Variants in ZNF30 observed in about 807,000 individuals in gnomAD.
ZNF30 encodes the protein zinc finger protein 30 (KOX 28).
In ZNF30, 15 loss-of-function variants were observed where a neutral mutation model predicts 13.2. The ratio of observed to expected loss-of-function variants is 1.13; its 90% CI spans 0.76 to 1.75. The LOEUF is 1.75. Ranked by LOEUF, ZNF30 falls within the 40% of genes most tolerant of loss-of-function variation. The pLI is 0.00. For synonymous variants in ZNF30, 223 were observed against 256.6 expected, an observed-to-expected ratio of 0.87 and a Z score of 1.25; for missense variants, 726 against 757.0, an observed-to-expected ratio of 0.96 and a Z score of 0.48.
At chr19:34,928,220 A>AAATATATAT (rs1555778254) in intron 1 of ZNF30, among the ~76,000 whole-genome samples, 85 of 73,254 alleles carry the variant, frequency 1.2e-3, no homozygotes, top group Middle Eastern at 9.6e-3. Flanking sequence ...AAAAAAAAAA[A>AAATATATAT]ATATATATAT....
At position 34,929,931 on chromosome 19, in the gene ZNF30, C is replaced by G; in HGVS notation, c.-17C>G. The G allele has an allele frequency of 6.2e-7, 1 of 1,606,584 alleles. No individual in the cohort carries two copies. The highest frequency in any genetic ancestry group is 1.3e-5 in the African/African-American group (1 of 74,852). On this transcript the variant is annotated 5_prime_UTR_variant, in exon 2 of 5. Transcript: ENST00000601142. ...GAACCCCAGTGAAGACTGATCAGTT[C>G]TTACAATTCTCAAAGCATGGCCCAT...
upstream of ZNF30, chr19:34,926,746 T>C (rs1159589514): frequency 5.1e-6 from 2 of 394,292 alleles, no homozygotes; most frequent in African/African-American, 2.1e-5. Context: ...GTTAATGCCC[T>C]GGGTTGGCCC....
chr19:34,935,344 G>A (rs1362911366), intron 4 of ZNF30, among the ~76,000 whole-genome samples: 1 of 152,090 alleles, frequency 6.6e-6, no homozygotes, highest in Non-Finnish European at 1.5e-5. Flanking sequence ...TTCTCCAAAT[G>A]AAGAGAGAAA....
chr19:34,939,487 T>C (rs2151672451), intron 4 of ZNF30, among the ~76,000 whole-genome samples: 1 of 152,186 alleles, frequency 6.6e-6, no homozygotes, highest in South Asian at 2.1e-4. Flanking sequence ...CTAACTTCTG[T>C]ATCTTTAGTA....
At chr19:34,933,827 C>A in intron 4 of ZNF30, 104 bp downstream of exon 4, 2 of 775,456 alleles carry the variant, frequency 2.6e-6, no homozygotes, top group Non-Finnish European at 4.3e-6. Flanking sequence ...CCCTTCAAAG[C>A]CCTAGGGCCT....
intron 3 of ZNF30, among the ~76,000 whole-genome samples, chr19:34,933,281 C>T (rs1031182044): frequency 2.0e-5 from 3 of 151,806 alleles, no homozygotes; most frequent in South Asian, 2.1e-4. Context: ...TGGTGACATC[C>T]GTCTCTACTA....
At chr19:34,931,775 C>A in intron 2 of ZNF30, 68 bp from the exon 3 acceptor site, 1 of 1,500,484 alleles carries the variant, frequency 6.7e-7, no homozygotes, top group East Asian at 2.4e-5. Flanking sequence ...GTTATTGCTC[C>A]CTTACTACAC....
rs756597539 is a variant in ZNF30 at position 34,944,387 on chromosome 19, A to G, written c.1421A>G (p.His474Arg). ...AGAGTGCACGTACATCTCACACAGC[A>G]TCGGAAAATTCATACTGATGTAAAG... is the stretch of plus-strand genomic sequence containing the variant. ...AFRVHVHLTQ[H>R]RKIHTDVKPY... Residue 474 changes from histidine (H) to arginine (R), a missense_variant, in exon 5 of 5, where the codon CAT (histidine) becomes CGT (arginine). His to Arg is a conservative substitution (Grantham distance 29). Coordinates refer to ENST00000601142, the MANE Select transcript of ZNF30 (RefSeq NM_194325.3). 9.9e-6 allele frequency: 16 copies of G among 1,614,228 alleles called. No individual in the cohort carries two copies. In the East Asian group the frequency reaches 3.3e-4, roughly 34 times the overall value.
At chr19:34,925,555 C>T (rs981364805), upstream of ZNF30, among the ~76,000 whole-genome samples, 1 of 152,122 alleles carries the variant, frequency 6.6e-6, no homozygotes, top group Non-Finnish European at 1.5e-5. Context: ...TGTGTGTCTG[C>T]TTGCTAGGGT....
At position 34,926,982 on chromosome 19, in the gene ZNF30, T is replaced by G; in HGVS notation, c.-299T>G. 2 of 398,640 alleles carry G rather than the reference T, an allele frequency of 5.0e-6. No individual in the cohort carries two copies. Among genetic ancestry groups the G allele is most frequent in the Non-Finnish European group, 8.8e-6 (2 of 226,054 alleles). The allele number at this position is 398,640 out of a possible 1,614,324, so 24.7% of individuals were successfully genotyped here. Reference sequence around the variant, plus strand: ...CCAGAGGCTGCAGCTATCCGGCCAATGTAGCCTGAAACTACATTTCTCAGC... The same window carrying G: ...CCAGAGGCTGCAGCTATCCGGCCAAGGTAGCCTGAAACTACATTTCTCAGC... On this transcript the variant is annotated 5_prime_UTR_variant, in exon 1 of 5. It removes an upstream start codon present in the reference 5' UTR. Coordinates refer to ENST00000601142, the MANE Select transcript of ZNF30 (RefSeq NM_194325.3).
Position 34,929,918 on chromosome 19 carries a change from A to C in ZNF30, c.-30A>C. 1 of 1,601,054 alleles carries C rather than the reference A, an allele frequency of 6.2e-7. No individual in the cohort carries two copies. Among genetic ancestry groups the C allele is most frequent in the Non-Finnish European group, 8.5e-7 (1 of 1,173,426 alleles). ...TTCTCAGATAGAGGAACCCCAGTGAAGACTGATCAGTTCTTACAATTCTCA... is the reference window on the plus strand; with the variant it reads ...TTCTCAGATAGAGGAACCCCAGTGACGACTGATCAGTTCTTACAATTCTCA... On this transcript the variant is annotated 5_prime_UTR_variant, in exon 2 of 5. Coordinates refer to ENST00000601142, the MANE Select transcript of ZNF30 (RefSeq NM_194325.3).
intron 4 of ZNF30, among the ~76,000 whole-genome samples, chr19:34,941,125 A>G (rs1049744582): frequency 2.0e-5 from 3 of 152,144 alleles, no homozygotes; most frequent in Non-Finnish European, 4.4e-5. Context: ...TGTCTTTGTG[A>G]CATTGTCCAG....
At position 34,943,878 on chromosome 19, in the gene ZNF30, T is replaced by C. The variant is rs1202776680; in HGVS notation, c.912T>C (p.Ala304=). 2 of 1,614,088 alleles carry C rather than the reference T, an allele frequency of 1.2e-6. No homozygotes were observed. Among genetic ancestry groups the C allele is most frequent in the South Asian group, 2.2e-5 (2 of 91,088 alleles). ...CCTTTAGCACTAGCTCACCCCTTGC[T>C]AAGCATCAGAGAATTCATACTGGCG... ...GKAFSTSSPL[A]KHQRIHTGEK... is the part of the protein sequence containing the mutation. Residue 304 remains alanine, a synonymous_variant, in exon 5 of 5, where the codon GCT becomes GCC. Transcript: ENST00000601142.
At position 34,944,052 on chromosome 19, in the gene ZNF30, T is replaced by C. The variant is rs759041966; in HGVS notation, c.1086T>C (p.His362=). 7 of 1,613,976 alleles carry C rather than the reference T, an allele frequency of 4.3e-6. No homozygotes were observed. The highest frequency in any genetic ancestry group is 5.9e-6 in the Non-Finnish European group (7 of 1,179,994). Residue 362 remains histidine, a synonymous_variant, in exon 5 of 5, where the codon CAT becomes CAC. Transcript: ENST00000601142. ...AFRLSSFLHA[H]QRIHAEIKPY... ...GACTTAGTTCCTTCCTTCATGCACA[T>C]CAGCGAATTCATGCAGAGATAAAGC...
At position 34,933,616 on chromosome 19, in the gene ZNF30, T is replaced by G; in HGVS notation, c.161-12T>G. ...ATTTTATTTCTTTTCTACATTCTTA[T>G]CTCATAAGCAGGACATTCCCGTTCT... On this transcript the variant is annotated splice_polypyrimidine_tract_variant and intron_variant, in intron 3 of 4. Coordinates refer to ENST00000601142, the MANE Select transcript of ZNF30 (RefSeq NM_194325.3). The G allele has an allele frequency of 1.3e-6, 2 of 1,573,860 alleles. No homozygotes were observed. Among genetic ancestry groups the G allele is most frequent in the Non-Finnish European group, 1.7e-6 (2 of 1,154,980 alleles).
chr19:34,925,192 A>G (rs888419215), upstream of ZNF30, among the ~76,000 whole-genome samples: 3 of 114,090 alleles, frequency 2.6e-5, no homozygotes, highest in African/African-American at 1.4e-4. Flanking sequence ...GTGTTACAGG[A>G]TGCTCTTTAG....
intron 4 of ZNF30, 63 bp from the exon 5 acceptor site, chr19:34,943,160 C>T: frequency 5.6e-6 from 7 of 1,256,540 alleles, no homozygotes; most frequent in South Asian, 2.2e-5. Flanking sequence ...CAGTTTTTCT[C>T]TTTTCTTCCC....
At chr19:34,934,851 A>C (rs2012638584) in intron 4 of ZNF30, among the ~76,000 whole-genome samples, 1 of 152,198 alleles carries the variant, frequency 6.6e-6, no homozygotes. Context: ...TGATGGGTGC[A>C]GCAAACAACC....
chr19:34,924,739 C>A (rs2012005690), upstream of ZNF30, among the ~76,000 whole-genome samples: 1 of 152,156 alleles, frequency 6.6e-6, no homozygotes, highest in Non-Finnish European at 1.5e-5. Context: ...TGTCTTCAGA[C>A]ATTGTAATAG....
Sources: gnomAD v4.1 joint callset for allele counts (sites outside exome capture counted in the v4.1 genomes callset) on GRCh38, gnomAD v4.1.1 for gene constraint, MANE v1.5 for transcripts, NCBI Gene and HGNC (gene_info 2026-07-23, HGNC 2026-07-21) for gene names.